Variants in NKAIN2 observed in about 807,000 individuals in gnomAD.
The protein encoded by NKAIN2 is sodium/potassium-transporting ATPase subunit beta-1-interacting protein 2.
A neutral mutation model predicts 32.6 loss-of-function variants in NKAIN2; 14 were observed. The observed-to-expected ratio is 0.43, with a 90% CI of 0.28 to 0.67. The LOEUF (loss-of-function observed/expected upper bound fraction) is 0.67, where lower values mean the gene tolerates loss of function less well. Among genes scored for constraint, NKAIN2 ranks in the 30% least tolerant of loss-of-function variants. The pLI, the probability that NKAIN2 is intolerant of heterozygous loss-of-function variation, is 0.17. For missense variants in NKAIN2, 198 were observed against 258.3 expected (o/e 0.77, Z 1.60); for synonymous variants, 80 against 87.2 (o/e 0.92, Z 0.46).
intron 1 of NKAIN2, among the ~76,000 whole-genome samples, chr6:123,868,024 A>T (rs577623987): frequency 6.6e-6 from 1 of 151,950 alleles, no homozygotes; most frequent in East Asian, 1.9e-4. Context: ...GCACACCACC[A>T]CACCCGGCTA....
intron 2 of NKAIN2, among the ~76,000 whole-genome samples, chr6:124,343,517 G>T (rs550525654): frequency 6.6e-6 from 1 of 151,832 alleles, no homozygotes; most frequent in Non-Finnish European, 1.5e-5. Flanking sequence ...TTTAATGATT[G>T]CCATTCTAAC....
intron 1 of NKAIN2, among the ~76,000 whole-genome samples, chr6:124,050,935 C>T (rs2114833117): frequency 6.6e-6 from 1 of 152,008 alleles, no homozygotes; most frequent in South Asian, 2.1e-4. Context: ...ATTCTTTATT[C>T]CTTTTGTTTT....
chr6:124,226,195 T>A (rs1004412014), intron 1 of NKAIN2, among the ~76,000 whole-genome samples: 6 of 152,036 alleles, frequency 3.9e-5, no homozygotes, highest in African/African-American at 9.7e-5. Context: ...TGGCTGTTTT[T>A]TAAAAAAAAT....
rs1490453033 is a variant in NKAIN2 at position 124,339,010 on chromosome 6, C to A, written c.193-16257C>A. On this transcript the variant is annotated intron_variant, in intron 2 of 6. Transcript: ENST00000368417. ...TGTAACAAATTACCACAGATCATTA[C>A]AAACTTGGTGGTTTAAAACTGCAGA... 5.9e-5 allele frequency among the ~76,000 whole-genome samples: 9 copies of A among 152,304 alleles called. No individual in the cohort carries two copies. In the South Asian group the frequency reaches 1.7e-3, roughly 28 times the overall value.
At chr6:124,644,854 T>C (rs1352862742) in intron 3 of NKAIN2, among the ~76,000 whole-genome samples, 2 of 152,240 alleles carry the variant, frequency 1.3e-5, no homozygotes, top group African/African-American at 4.8e-5. Flanking sequence ...ATTCCTGTTA[T>C]ATTTAAAAGG....
chr6:123,906,734 A>G (rs1774893394), intron 1 of NKAIN2, among the ~76,000 whole-genome samples: 1 of 152,188 alleles, frequency 6.6e-6, no homozygotes, highest in South Asian at 2.1e-4. Context: ...AAAATTTCAT[A>G]TATGCCATTT....
At chr6:124,544,357 T>C (rs747911983) in intron 3 of NKAIN2, among the ~76,000 whole-genome samples, 2 of 129,928 alleles carry the variant, frequency 1.5e-5, no homozygotes, top group Non-Finnish European at 3.5e-5. Flanking sequence ...CAGAACTCTT[T>C]GCAAGATGGA....
At chr6:124,725,757 C>T (rs556708151) in intron 4 of NKAIN2, among the ~76,000 whole-genome samples, 7 of 152,290 alleles carry the variant, frequency 4.6e-5, no homozygotes, top group Admixed American at 2.6e-4. Flanking sequence ...GTGTGAGCGA[C>T]GCAGAAGACG....
At chr6:124,477,797 C>A (rs1231714515) in intron 3 of NKAIN2, among the ~76,000 whole-genome samples, 1 of 129,720 alleles carries the variant, frequency 7.7e-6, no homozygotes, top group Non-Finnish European at 1.6e-5. Context: ...TCCCTCTTCC[C>A]CTTCCCCCCT....
intron 3 of NKAIN2, among the ~76,000 whole-genome samples, chr6:124,380,295 C>A (rs9491144): frequency 0.066 from 10,121 of 152,196 alleles, 1,019 homozygotes; most frequent in African/African-American, 0.21. Context: ...ATCTCCCCTG[C>A]AATTCAGTGT....
chr6:124,117,647 TATA>T (rs1464621793), intron 1 of NKAIN2, among the ~76,000 whole-genome samples: 2 of 151,816 alleles, frequency 1.3e-5, no homozygotes, highest in Admixed American at 6.6e-5. Context: ...AAACTTAAAG[TATA>T]ATAATAATAA....
At chr6:123,810,646 CTT>C (rs35365993) in intron 1 of NKAIN2, among the ~76,000 whole-genome samples, 3 of 146,456 alleles carry the variant, frequency 2.0e-5, no homozygotes, top group African/African-American at 5.0e-5. Context: ...AAAATATATT[CTT>C]TTTTTTTTTT....
intron 1 of NKAIN2, among the ~76,000 whole-genome samples, chr6:123,968,469 G>C (rs1201340125): frequency 6.6e-6 from 1 of 152,166 alleles, no homozygotes; most frequent in Non-Finnish European, 1.5e-5. Flanking sequence ...TGTATCTGAA[G>C]AGATTAAATA....
chr6:124,258,984 G>A (rs1794090263), intron 1 of NKAIN2, among the ~76,000 whole-genome samples: 1 of 152,100 alleles, frequency 6.6e-6, no homozygotes, highest in African/African-American at 2.4e-5. Context: ...AAAGTGCTTT[G>A]TAAATCCAGA....
chr6:124,371,907 GTC>G (rs1032988649), intron 3 of NKAIN2, among the ~76,000 whole-genome samples: 1 of 151,954 alleles, frequency 6.6e-6, no homozygotes, highest in African/African-American at 2.4e-5. Context: ...TAAGATCAAA[GTC>G]TCTCTACCAG....
chr6:124,150,279 T>A (rs2114387457), intron 1 of NKAIN2, among the ~76,000 whole-genome samples: 1 of 152,292 alleles, frequency 6.6e-6, no homozygotes, highest in East Asian at 1.9e-4. Context: ...GTTATATTTG[T>A]TTTTGTGAAA....
intron 1 of NKAIN2, among the ~76,000 whole-genome samples, chr6:124,234,548 A>G (rs186856335): frequency 6.6e-6 from 1 of 152,258 alleles, no homozygotes; most frequent in Middle Eastern, 3.4e-3. Context: ...TATTTAGCCA[A>G]TTGCCCATCA....
intron 1 of NKAIN2, among the ~76,000 whole-genome samples, chr6:123,954,924 A>G (rs573373558): frequency 4.7e-4 from 72 of 152,230 alleles, no homozygotes; most frequent in African/African-American, 1.7e-3. Context: ...AGAAGAAATC[A>G]GTGATTTAGG....
chr6:123,908,216 A>G (rs1326603729), intron 1 of NKAIN2, among the ~76,000 whole-genome samples: 1 of 152,104 alleles, frequency 6.6e-6, no homozygotes, highest in African/African-American at 2.4e-5. Context: ...GATTTCAGAG[A>G]TGTTGACATT....
Sources: gnomAD v4.1 joint callset for allele counts (sites outside exome capture counted in the v4.1 genomes callset) on GRCh38, gnomAD v4.1.1 for gene constraint, MANE v1.5 for transcripts, NCBI Gene and HGNC (gene_info 2026-07-23, HGNC 2026-07-21) for gene names.